The following CHST9 variants were observed in gnomAD, a reference collection of about 807,000 sequenced individuals.
CHST9 encodes GalNAc-4-sulfotransferase 2.
In CHST9, 41 loss-of-function variants were observed where a neutral mutation model predicts 44.4. That is an observed-to-expected ratio of 0.92 (90% CI 0.72 to 1.20). The LOEUF is 1.20. Ranked by LOEUF, CHST9 falls within the 50% of genes most tolerant of loss-of-function variation. The pLI is 0.00. For synonymous variants in CHST9, 171 were observed against 178.4 expected (o/e 0.96, Z 0.33); for missense variants, 504 against 516.5 (o/e 0.98, Z 0.23).
chr18:26,937,497 A>T (rs1390512470), intron 5 of CHST9, among the ~76,000 whole-genome samples: 1 of 152,128 alleles, frequency 6.6e-6, no homozygotes, highest in Non-Finnish European at 1.5e-5. Flanking sequence ...GAGAGAAAGG[A>T]ATTCAGAATG....
intron 1 of CHST9, among the ~76,000 whole-genome samples, chr18:27,171,877 T>C (rs1424302763): frequency 6.6e-6 from 1 of 152,196 alleles, no homozygotes; most frequent in Non-Finnish European, 1.5e-5. Flanking sequence ...TTGCAATGTT[T>C]TAATACATGC....
chr18:27,105,093 G>C (rs1037432955), intron 2 of CHST9, among the ~76,000 whole-genome samples: 1 of 150,224 alleles, frequency 6.7e-6, no homozygotes, highest in Non-Finnish European at 1.5e-5. Context: ...TTCTTTCTTT[G>C]TTAGTGACAT....
At chr18:27,144,812 C>G (rs2058598201) in intron 1 of CHST9, among the ~76,000 whole-genome samples, 1 of 152,066 alleles carries the variant, frequency 6.6e-6, no homozygotes. Context: ...CAAAAAATGA[C>G]CTCAGAAATC....
chr18:27,067,337 C>T lies in CHST9; in HGVS notation c.122-18834G>A, dbSNP rs531371743. ...CTGACACTGCATTAAATTTACAGGG[C>T]GATGCTTTCTGGTTTGCTAGTTATG... On this transcript the variant is annotated intron_variant, in intron 2 of 5. Transcript: ENST00000618847. 1.6e-4 allele frequency among the ~76,000 whole-genome samples: 25 copies of T among 151,800 alleles called. No individual in the cohort carries two copies. In the South Asian group the frequency reaches 4.6e-3, roughly 28 times the overall value.
At chr18:27,011,598 G>T (rs2057086037) in intron 4 of CHST9, among the ~76,000 whole-genome samples, 1 of 152,218 alleles carries the variant, frequency 6.6e-6, no homozygotes, top group Non-Finnish European at 1.5e-5. Context: ...TACCCAGAAC[G>T]GGTGGAAATT....
At chr18:27,104,249 T>G (rs2058200808) in intron 2 of CHST9, among the ~76,000 whole-genome samples, 1 of 152,118 alleles carries the variant, frequency 6.6e-6, no homozygotes, top group Non-Finnish European at 1.5e-5. Context: ...ACTGAATATA[T>G]TCAAATACAT....
rs550332087 is a variant in CHST9 at position 26,910,882 on chromosome 18, G to A, written c.*5377C>T. 3.9e-5 allele frequency: 6 copies of A among 152,244 alleles called. No individual in the cohort carries two copies. The East Asian group carries it at 7.7e-4, about 20-fold the overall frequency. The allele number at this position is 152,244 out of a possible 1,614,324, so 9.4% of individuals were successfully genotyped here. On this transcript the variant is annotated 3_prime_UTR_variant, in exon 6 of 6. Coordinates refer to ENST00000618847, the MANE Select transcript of CHST9 (RefSeq NM_031422.6). ...TGAATGTATGCAAAGTATTTTTCCC[G>A]TGTCTGCTACTGAGTAGATCCTCAG...
chr18:27,101,566 C>A (rs1051696748), intron 2 of CHST9, among the ~76,000 whole-genome samples: 1 of 151,648 alleles, frequency 6.6e-6, no homozygotes, highest in Non-Finnish European at 1.5e-5. Flanking sequence ...GCCGAGATTG[C>A]GCCACTGCAG....
At chr18:26,957,661 C>T (rs1265324720) in intron 4 of CHST9, among the ~76,000 whole-genome samples, 1 of 151,738 alleles carries the variant, frequency 6.6e-6, no homozygotes, top group Non-Finnish European at 1.5e-5. Flanking sequence ...ACAATTTTCA[C>T]CACTATCAGA....
chr18:27,000,769 G>T (rs1311339766), intron 4 of CHST9, among the ~76,000 whole-genome samples: 1 of 151,838 alleles, frequency 6.6e-6, no homozygotes, highest in East Asian at 1.9e-4. Flanking sequence ...GATTTAAAAA[G>T]ATAAAGAATA....
chr18:26,920,853 G>A (rs1011826777), intron 5 of CHST9, among the ~76,000 whole-genome samples: 1 of 152,160 alleles, frequency 6.6e-6, no homozygotes, highest in Admixed American at 6.6e-5. Flanking sequence ...TGGAGGCTTC[G>A]TGTTTAACCT....
chr18:26,965,521 A>T (rs778920916), intron 4 of CHST9, among the ~76,000 whole-genome samples: 4 of 152,210 alleles, frequency 2.6e-5, no homozygotes, highest in African/African-American at 4.8e-5. Flanking sequence ...GAATTCACAG[A>T]CCTAAGTTCA....
At chr18:27,108,885 T>C (rs2058245423) in intron 2 of CHST9, among the ~76,000 whole-genome samples, 1 of 152,222 alleles carries the variant, frequency 6.6e-6, no homozygotes, top group Admixed American at 6.5e-5. Context: ...GAACTGAAAC[T>C]TTATTTTTCC....
At chr18:26,987,300 T>C (rs1028116178) in intron 4 of CHST9, among the ~76,000 whole-genome samples, 1 of 152,198 alleles carries the variant, frequency 6.6e-6, no homozygotes, top group Admixed American at 6.5e-5. Context: ...TTGACCTCTC[T>C]GCCATGCTTT....
chr18:26,983,595 T>C (rs1335424346), intron 4 of CHST9, among the ~76,000 whole-genome samples: 1 of 152,174 alleles, frequency 6.6e-6, no homozygotes, highest in Non-Finnish European at 1.5e-5. Context: ...TAAATCTCTT[T>C]TGTTTATAAA....
intron 2 of CHST9, among the ~76,000 whole-genome samples, chr18:27,055,304 T>G (rs1318190137): frequency 6.6e-6 from 1 of 152,206 alleles, no homozygotes. Context: ...ATATCGTTTT[T>G]GTTTCACCTA....
intron 2 of CHST9, among the ~76,000 whole-genome samples, chr18:27,075,413 C>G (rs990469911): frequency 5.9e-5 from 9 of 152,038 alleles, no homozygotes; most frequent in Admixed American, 4.6e-4. Context: ...AAAAATAAAA[C>G]AAATTCTAGG....
chr18:27,110,669 A>G (rs1383765161), intron 2 of CHST9, among the ~76,000 whole-genome samples: 1 of 152,220 alleles, frequency 6.6e-6, no homozygotes, highest in East Asian at 1.9e-4. Flanking sequence ...TCATTCTCAA[A>G]TGAGGTATGA....
chr18:26,969,757 G>A (rs1013954336), intron 4 of CHST9, among the ~76,000 whole-genome samples: 3 of 152,164 alleles, frequency 2.0e-5, no homozygotes, highest in African/African-American at 7.2e-5. Context: ...TTTTAGATAA[G>A]TTATTTGGGG....
Sources: gnomAD v4.1 joint callset for allele counts (sites outside exome capture counted in the v4.1 genomes callset) on GRCh38, gnomAD v4.1.1 for gene constraint, MANE v1.5 for transcripts, NCBI Gene and HGNC (gene_info 2026-07-23, HGNC 2026-07-21) for gene names.